KCNK13: variants seen among roughly 807,000 people sequenced by gnomAD.
KCNK13 encodes potassium channel subfamily K member 13.
KCNK13 carries 12 observed loss-of-function variants against 23.4 expected under a neutral mutation model. That is an observed-to-expected ratio of 0.51 (90% CI 0.33 to 0.83). The LOEUF is 0.83. Among genes scored for constraint, KCNK13 ranks in the 40% least tolerant of loss-of-function variants. KCNK13 has a pLI of 0.02. For synonymous variants in KCNK13, 231 were observed against 229.5 expected (o/e 1.01, Z -0.06); for missense variants, 463 against 556.3 (o/e 0.83, Z 1.69).
chr14:90,177,408 T>C (rs1220823019), intron 1 of KCNK13: 2 of 152,224 alleles, frequency 1.3e-5, no homozygotes, highest in Non-Finnish European at 2.9e-5. Flanking sequence ...ATAACCTGAT[T>C]GAAAATTTCG....
chr14:90,107,870 G>A, intron 1 of KCNK13: 1 of 822,116 alleles, frequency 1.2e-6, no homozygotes, highest in Admixed American at 1.7e-5. Flanking sequence ...ACAGCTCACG[G>A]GAGCAAGAAT....
intron 1 of KCNK13, among the ~76,000 whole-genome samples, chr14:90,077,287 T>A (rs1889150535): frequency 6.6e-6 from 1 of 151,870 alleles, no homozygotes; most frequent in African/African-American, 2.4e-5. Context: ...GCCGGGCTAA[T>A]TTTTTGTACT....
At chr14:90,156,081 G>T (rs1251583504) in intron 1 of KCNK13, among the ~76,000 whole-genome samples, 1 of 151,804 alleles carries the variant, frequency 6.6e-6, no homozygotes, top group Non-Finnish European at 1.5e-5. Context: ...GCGCACACTT[G>T]TAGTCACAGC....
At chr14:90,147,663 T>C (rs1184150182) in intron 1 of KCNK13, among the ~76,000 whole-genome samples, 6 of 152,210 alleles carry the variant, frequency 3.9e-5, no homozygotes, top group Admixed American at 2.6e-4. Context: ...ATCTCTCATC[T>C]CTGTCCATGA....
intron 1 of KCNK13, among the ~76,000 whole-genome samples, chr14:90,116,052 T>C (rs937464752): frequency 6.6e-6 from 1 of 152,264 alleles, no homozygotes; most frequent in South Asian, 2.1e-4. Flanking sequence ...TATTTTTCTA[T>C]GCCTGCCTGC....
rs1383761812 is a variant in KCNK13 at position 90,062,155 on chromosome 14, C to G, written c.-51C>G. On this transcript the variant is annotated 5_prime_UTR_variant, in exon 1 of 2. Transcript: ENST00000282146. This position sits in a 1 kb window ranked among gnomAD's most constrained non-coding sequence, Gnocchi z 4.5. Reference sequence around the variant, plus strand: ...ATTTCCCGGGGGTGTGGGCGAGACTCCGCCGACGCCCGGTGCCGTGGGCCT... The same window carrying G: ...ATTTCCCGGGGGTGTGGGCGAGACTGCGCCGACGCCCGGTGCCGTGGGCCT... 4 of 1,213,500 alleles carry G rather than the reference C, an allele frequency of 3.3e-6. No homozygotes were observed. In the Admixed American group the frequency reaches 1.6e-4, roughly 50 times the overall value. 75.2% of individuals were successfully genotyped at this position (1,213,500 alleles called of 1,614,324 possible). A position where few individuals can be genotyped will look rare whatever the true frequency, so the allele number is the denominator to read the frequency against.
chr14:90,089,592 C>A (rs1350456260), intron 1 of KCNK13, among the ~76,000 whole-genome samples: 1 of 152,180 alleles, frequency 6.6e-6, no homozygotes, highest in African/African-American at 2.4e-5. Flanking sequence ...CAGAAATTTG[C>A]ATAAGTAACG....
At chr14:90,091,995 C>T (rs1368382729) in intron 1 of KCNK13, among the ~76,000 whole-genome samples, 1 of 149,996 alleles carries the variant, frequency 6.7e-6, no homozygotes, top group African/African-American at 2.5e-5. Flanking sequence ...GATCTCAGCT[C>T]ACTGCAGGCT....
At chr14:90,087,661 A>G (rs891359535) in intron 1 of KCNK13, among the ~76,000 whole-genome samples, 4 of 152,222 alleles carry the variant, frequency 2.6e-5, no homozygotes, top group Non-Finnish European at 4.4e-5. Flanking sequence ...GTGATGATTC[A>G]GAAGCCATTT....
At chr14:90,079,242 A>C (rs1038319426) in intron 1 of KCNK13, among the ~76,000 whole-genome samples, 1 of 152,184 alleles carries the variant, frequency 6.6e-6, no homozygotes, top group African/African-American at 2.4e-5. Context: ...CAGTTTCTCT[A>C]AGAAACAGAC....
At chr14:90,153,260 G>T (rs1890157024) in intron 1 of KCNK13, among the ~76,000 whole-genome samples, 1 of 152,166 alleles carries the variant, frequency 6.6e-6, no homozygotes, top group South Asian at 2.1e-4. Flanking sequence ...AATAAGTAGG[G>T]CTTAGTGATT....
At chr14:90,172,800 A>G (rs938115631) in intron 1 of KCNK13, among the ~76,000 whole-genome samples, 100 of 152,330 alleles carry the variant, frequency 6.6e-4, no homozygotes, top group African/African-American at 2.4e-3. Context: ...CACGATCAAC[A>G]TTGTCATCAG....
At chr14:90,063,955 A>G (rs1249466326) in intron 1 of KCNK13, among the ~76,000 whole-genome samples, 1 of 152,196 alleles carries the variant, frequency 6.6e-6, no homozygotes, top group African/African-American at 2.4e-5. Flanking sequence ...TCAGCAGGCC[A>G]TGATGGCACC....
In KCNK13 at chr14:90,178,907, G is replaced by C. The variant is rs181357812; in HGVS notation, c.335-5204G>C. On this transcript the variant is annotated intron_variant, in intron 1 of 1. Transcript: ENST00000282146. Reference sequence around the variant, plus strand: ...AATCAAGGGCATACCAAATGAGAGGGGAGATTGTTAATGAATGAAAGAGGC... The same window carrying C: ...AATCAAGGGCATACCAAATGAGAGGCGAGATTGTTAATGAATGAAAGAGGC... Among the ~76,000 whole-genome samples the C allele has an allele frequency of 7.0e-4, 107 of 152,252 alleles. 1 individual carries two copies. Among genetic ancestry groups the C allele is most frequent in the Non-Finnish European group, 2.4e-4 (16 of 68,022 alleles).
At chr14:90,169,004 C>T (rs1870636037) in intron 1 of KCNK13, among the ~76,000 whole-genome samples, 1 of 152,172 alleles carries the variant, frequency 6.6e-6, no homozygotes. Context: ...ATTGTGAAGC[C>T]TCCCCAACCG....
intron 1 of KCNK13, among the ~76,000 whole-genome samples, chr14:90,176,257 A>G (rs1323669678): frequency 1.3e-5 from 2 of 152,180 alleles, no homozygotes; most frequent in Admixed American, 6.5e-5. Flanking sequence ...TTGAAGCTTC[A>G]GTTTCCCCAC....
chr14:90,167,219 A>G (rs1483800958), intron 1 of KCNK13, among the ~76,000 whole-genome samples: 4 of 152,194 alleles, frequency 2.6e-5, no homozygotes, highest in African/African-American at 9.7e-5. Flanking sequence ...TGACAGTCAA[A>G]CAGCTTTGTG....
intron 1 of KCNK13, among the ~76,000 whole-genome samples, chr14:90,170,959 T>G (rs1363195532): frequency 6.6e-6 from 1 of 152,228 alleles, no homozygotes; most frequent in African/African-American, 2.4e-5. Flanking sequence ...GCTTTTCATC[T>G]TGTAGCCATC....
chr14:90,102,146 G>A (rs1213954645), intron 1 of KCNK13, among the ~76,000 whole-genome samples: 3 of 152,118 alleles, frequency 2.0e-5, no homozygotes, highest in African/African-American at 7.2e-5. Flanking sequence ...GCCTCCCAAA[G>A]TGCTGGGATT....
Sources: allele counts gnomAD v4.1 joint callset (sites outside exome capture counted in the v4.1 genomes callset), GRCh38; gene constraint gnomAD v4.1.1; non-coding constraint Gnocchi (gnomAD v3.1); transcripts MANE v1.5; gene names NCBI Gene and HGNC (gene_info 2026-07-23, HGNC 2026-07-21).